PMF1: variants seen among roughly 807,000 people sequenced by gnomAD.
The protein encoded by PMF1 is polyamine-modulated factor 1.
Under a neutral mutation model 26.7 loss-of-function variants are expected in PMF1, and 21 were observed. The ratio of observed to expected loss-of-function variants is 0.79; its 90% CI spans 0.56 to 1.13. The LOEUF (loss-of-function observed/expected upper bound fraction) is 1.13, where lower values mean the gene tolerates loss of function less well. Among genes scored for constraint, PMF1 ranks in the 50% most tolerant of loss-of-function variants. The pLI is 0.00. For synonymous variants in PMF1, 105 were observed against 101.0 expected, an observed-to-expected ratio of 1.04 and a Z score of -0.24; for missense variants, 266 against 254.9, an observed-to-expected ratio of 1.04 and a Z score of -0.30.
chr1:156,218,280 G>C (rs1016314786), intron 1 of PMF1, among the ~76,000 whole-genome samples: 1 of 152,058 alleles, frequency 6.6e-6, no homozygotes, highest in Non-Finnish European at 1.5e-5. Flanking sequence ...ATATCTATTG[G>C]GTGATAACTT....
intron 2 of PMF1, 29 bp downstream of exon 2, chr1:156,232,454 G>T (rs371690897): frequency 4.4e-5 from 71 of 1,606,412 alleles, no homozygotes; most frequent in Non-Finnish European, 5.5e-5. Context: ...GGCAGGTGCT[G>T]TTGACTTGGG....
intron 1 of PMF1, among the ~76,000 whole-genome samples, chr1:156,218,688 A>G (rs1021652448): frequency 8.6e-5 from 13 of 151,960 alleles, no homozygotes; most frequent in African/African-American, 3.1e-4. Flanking sequence ...AGGCTGAGGC[A>G]GGAGAATTGC....
chr1:156,230,015 G>A (rs1658606325), intron 1 of PMF1, among the ~76,000 whole-genome samples: 1 of 152,212 alleles, frequency 6.6e-6, no homozygotes, highest in African/African-American at 2.4e-5. Flanking sequence ...GTATACCACT[G>A]CTCTTAGTCT....
intron 1 of PMF1, among the ~76,000 whole-genome samples, chr1:156,224,811 C>G (rs964316757): frequency 5.9e-5 from 9 of 152,120 alleles, no homozygotes; most frequent in African/African-American, 2.2e-4. Flanking sequence ...TTTCTTCTTT[C>G]CCTCTTTCCT....
Position 156,213,193 on chromosome 1 carries a change from CGCGGTGGG to C in PMF1, c.161+18_161+25del. The C allele has an allele frequency of 5.0e-6, 8 of 1,611,064 alleles. No individual in the cohort carries two copies. Among genetic ancestry groups the C allele is most frequent in the Non-Finnish European group, 6.8e-6 (8 of 1,177,742 alleles). On this transcript the variant is annotated intron_variant, in intron 1 of 4. Coordinates refer to ENST00000368277, the MANE Select transcript of PMF1 (RefSeq NM_007221.4). ...CGCCGGCAGGTAAAGTGGACGCAGCCGCGGTGGGAGTGTTTGTTGGCACCGAAGCTCAA... is the reference window on the plus strand; with the variant it reads ...CGCCGGCAGGTAAAGTGGACGCAGCCAGTGTTTGTTGGCACCGAAGCTCAA...
chr1:156,213,088 T>C lies in PMF1; in HGVS notation c.73T>C (p.Ser25Pro), dbSNP rs746310331. Residue 25 changes from serine to proline, a missense_variant, in exon 1 of 5, where the codon TCT (serine) becomes CCT (proline). By Grantham distance (74) the Ser-to-Pro change is moderately conservative. Transcript: ENST00000368277. ...EKRHEGSSSE[S>P]VPPGTTISRV... ...AAGGCATGAGGGGTCGTCTTCGGAA[T>C]CTGTGCCACCCGGCACTACCATTTC... 6.8e-6 allele frequency: 11 copies of C among 1,614,120 alleles called. No individual in the cohort carries two copies. Among genetic ancestry groups the C allele is most frequent in the Non-Finnish European group, 8.5e-6 (10 of 1,180,034 alleles).
chr1:156,238,208 G>A (rs1659148814), intron 4 of PMF1, among the ~76,000 whole-genome samples: 1 of 152,222 alleles, frequency 6.6e-6, no homozygotes, highest in African/African-American at 2.4e-5. Context: ...GTCAGGTACT[G>A]TGATGCCTCC....
chr1:156,225,413 A>T, intron 1 of PMF1: 1 of 572,276 alleles, frequency 1.7e-6, no homozygotes, highest in Non-Finnish European at 3.2e-6. Context: ...AGCAGTGTAC[A>T]CTATACCCAG....
intron 1 of PMF1, among the ~76,000 whole-genome samples, chr1:156,217,905 A>G (rs1657865464): frequency 6.6e-6 from 1 of 152,236 alleles, no homozygotes; most frequent in Admixed American, 6.5e-5. Flanking sequence ...CACAGGAGCT[A>G]GTGCTAGAAT....
chr1:156,229,587 TG>T (rs1286884765), intron 1 of PMF1, among the ~76,000 whole-genome samples: 10 of 143,638 alleles, frequency 7.0e-5, no homozygotes, highest in Admixed American at 6.9e-4. Flanking sequence ...TTTTTTTTTT[TG>T]AGATGGAGTG....
intron 3 of PMF1, among the ~76,000 whole-genome samples, chr1:156,235,572 G>T (rs56390145): frequency 2.0e-5 from 3 of 147,766 alleles, no homozygotes; most frequent in Non-Finnish European, 4.4e-5. Context: ...CTCCCAAGTA[G>T]CTGGGACTAC....
chr1:156,217,230 T>C (rs1411190640), intron 1 of PMF1, among the ~76,000 whole-genome samples: 1 of 60,754 alleles, frequency 1.6e-5, no homozygotes, highest in Non-Finnish European at 3.4e-5. Flanking sequence ...ACTTAAAGTA[T>C]AATAAAAAAA....
At chr1:156,223,108 G>A (rs1175564957) in intron 1 of PMF1, among the ~76,000 whole-genome samples, 1 of 152,210 alleles carries the variant, frequency 6.6e-6, no homozygotes, top group Non-Finnish European at 1.5e-5. Flanking sequence ...GCTATTGGTG[G>A]TGTTTTGTTT....
chr1:156,218,798 A>ACAAAAC (rs1657922322), intron 1 of PMF1, among the ~76,000 whole-genome samples: 1 of 151,966 alleles, frequency 6.6e-6, no homozygotes, highest in Non-Finnish European at 1.5e-5. Context: ...AAAAACAAAA[A>ACAAAAC]CAAAAAAACA....
chr1:156,234,564 A>G (rs1658899806), intron 3 of PMF1, among the ~76,000 whole-genome samples: 1 of 151,664 alleles, frequency 6.6e-6, no homozygotes, highest in Non-Finnish European at 1.5e-5. Context: ...GTTGGAGTAC[A>G]GTGGTGTGAT....
At chr1:156,220,909 C>G (rs187292760) in intron 1 of PMF1, 1 of 152,286 alleles carries the variant, frequency 6.6e-6, no homozygotes, top group Non-Finnish European at 1.5e-5. Flanking sequence ...GCCTCGGCCT[C>G]CCAAAGTGCT....
At chr1:156,226,118 G>A (rs940737000) in intron 1 of PMF1, among the ~76,000 whole-genome samples, 1 of 152,116 alleles carries the variant, frequency 6.6e-6, no homozygotes, top group African/African-American at 2.4e-5. Context: ...GCCTCCCAAA[G>A]CACTGGGATT....
intron 1 of PMF1, among the ~76,000 whole-genome samples, chr1:156,230,044 ATTGT>A (rs1407791232): frequency 1.3e-5 from 2 of 152,248 alleles, no homozygotes; most frequent in African/African-American, 2.4e-5. Context: ...TTCCAAAAAC[ATTGT>A]TTGGGGGCGG....
Position 156,213,091 on chromosome 1 carries a change from G to C in PMF1, c.76G>C (p.Val26Leu). 2 of 1,614,232 alleles carry C rather than the reference G, an allele frequency of 1.2e-6. No homozygotes were observed. Among genetic ancestry groups the C allele is most frequent in the African/African-American group, 1.3e-5 (1 of 75,080 alleles). ...GCATGAGGGGTCGTCTTCGGAATCT[G>C]TGCCACCCGGCACTACCATTTCGAG... ...KRHEGSSSES[V>L]PPGTTISRVK... is the part of the protein sequence containing the mutation. The change falls in exon 1 of 5, where the codon GTG becomes CTG. Residue 26 changes from valine to leucine, a missense_variant. Coordinates refer to ENST00000368277, the MANE Select transcript of PMF1 (RefSeq NM_007221.4).
Sources: gnomAD v4.1 joint callset for allele counts (sites outside exome capture counted in the v4.1 genomes callset) on GRCh38, gnomAD v4.1.1 for gene constraint, MANE v1.5 for transcripts, NCBI Gene and HGNC (gene_info 2026-07-23, HGNC 2026-07-21) for gene names.